CTNNA2: variants seen among roughly 807,000 people sequenced by gnomAD.
CTNNA2 encodes the protein catenin alpha-2.
Under a neutral mutation model 101.0 loss-of-function variants are expected in CTNNA2, and 42 were observed. The ratio of observed to expected loss-of-function variants is 0.42; its 90% CI spans 0.32 to 0.54. The LOEUF is 0.54. Among genes scored for constraint, CTNNA2 ranks in the 20% least tolerant of loss-of-function variants. The pLI is 0.14. For missense variants in CTNNA2, 871 were observed against 1,223.1 expected (o/e 0.71, Z 4.29); for synonymous variants, 450 against 456.4 (o/e 0.99, Z 0.18).
intron 6 of CTNNA2, among the ~76,000 whole-genome samples, chr2:79,904,890 G>T (rs951477335): frequency 1.3e-5 from 2 of 152,232 alleles, no homozygotes; most frequent in Non-Finnish European, 2.9e-5. Flanking sequence ...AATTGTGTGT[G>T]TGGTGAGTGC....
chr2:79,266,675 G>A (rs1340256895), intron 2 of CTNNA2, among the ~76,000 whole-genome samples: 1 of 152,046 alleles, frequency 6.6e-6, no homozygotes, highest in African/African-American at 2.4e-5. Context: ...CCACTGGCAT[G>A]CTGCCACATC....
intron 7 of CTNNA2, among the ~76,000 whole-genome samples, chr2:80,367,861 T>C (rs965315086): frequency 6.6e-6 from 1 of 152,154 alleles, no homozygotes; most frequent in Non-Finnish European, 1.5e-5. Flanking sequence ...ATATCAGAAA[T>C]AGTAAGCATC....
intron 3 of CTNNA2, among the ~76,000 whole-genome samples, chr2:79,801,896 G>A (rs990068430): frequency 7.3e-5 from 11 of 150,964 alleles, no homozygotes; most frequent in African/African-American, 2.4e-4. Flanking sequence ...GGAGGCTGAG[G>A]CAGGAGAATC....
chr2:80,599,964 A>G (rs1558631797), intron 15 of CTNNA2, among the ~76,000 whole-genome samples: 2 of 140,230 alleles, frequency 1.4e-5, no homozygotes, highest in Non-Finnish European at 3.0e-5. Flanking sequence ...ATGAATATTT[A>G]GACAATAGAA....
At chr2:79,945,322 T>G (rs1358740827) in intron 7 of CTNNA2, among the ~76,000 whole-genome samples, 1 of 152,090 alleles carries the variant, frequency 6.6e-6, no homozygotes, top group Non-Finnish European at 1.5e-5. Flanking sequence ...GTAACAGGAG[T>G]GAGCCACTGT....
chr2:80,081,785 T>TTCTCTCTC (rs59390333), intron 7 of CTNNA2, among the ~76,000 whole-genome samples: 2 of 150,466 alleles, frequency 1.3e-5, no homozygotes, highest in Admixed American at 1.3e-4. Context: ...GTGTCTGTGT[T>TTCTCTCTC]TCTCTCTCTC....
chr2:79,210,923 T>TG (rs1293140788), intron 2 of CTNNA2, among the ~76,000 whole-genome samples: 1 of 152,148 alleles, frequency 6.6e-6, no homozygotes, highest in African/African-American at 2.4e-5. Flanking sequence ...CTCTCCCGCC[T>TG]GGGGGAGGAA....
intron 7 of CTNNA2, among the ~76,000 whole-genome samples, chr2:80,225,556 CT>C (rs1257130780): frequency 6.6e-6 from 1 of 152,148 alleles, no homozygotes; most frequent in Non-Finnish European, 1.5e-5. Flanking sequence ...CAGCAATTCC[CT>C]ATTTTTAATT....
At chr2:79,803,950 G>C (rs1676366186) in intron 3 of CTNNA2, among the ~76,000 whole-genome samples, 1 of 152,196 alleles carries the variant, frequency 6.6e-6, no homozygotes, top group South Asian at 2.1e-4. Context: ...GGATACAAAA[G>C]TTTTTTAAAA....
chr2:80,065,194 G>GAA (rs1487191428), intron 7 of CTNNA2, among the ~76,000 whole-genome samples: 76 of 151,864 alleles, frequency 5.0e-4, no homozygotes, highest in Non-Finnish European at 9.3e-4. Context: ...TGAATTACTT[G>GAA]TCAGAAAAAA....
intron 3 of CTNNA2, among the ~76,000 whole-genome samples, chr2:79,344,185 T>C (rs1443354164): frequency 6.6e-6 from 1 of 152,142 alleles, no homozygotes. Flanking sequence ...TCTACACAGC[T>C]CTTTGTGTAG....
At chr2:79,557,961 A>G (rs1030400670) in intron 1 of CTNNA2, among the ~76,000 whole-genome samples, 2 of 151,920 alleles carry the variant, frequency 1.3e-5, no homozygotes, top group Non-Finnish European at 2.9e-5. Flanking sequence ...TTTGTTTTTA[A>G]ATATAATGCA....
chr2:80,004,857 C>A (rs2103981245), intron 7 of CTNNA2, among the ~76,000 whole-genome samples: 1 of 152,168 alleles, frequency 6.6e-6, no homozygotes, highest in African/African-American at 2.4e-5. Flanking sequence ...TGCACACCAC[C>A]ATACCTGGCT....
chr2:79,967,464 C>A (rs568351536), intron 7 of CTNNA2, among the ~76,000 whole-genome samples: 14 of 152,266 alleles, frequency 9.2e-5, no homozygotes, highest in Admixed American at 2.6e-4. Context: ...TAATGTGTCT[C>A]TTTGTTTCCT....
intron 4 of CTNNA2, among the ~76,000 whole-genome samples, chr2:79,475,604 TC>T (rs758592792): frequency 2.6e-5 from 4 of 152,172 alleles, no homozygotes; most frequent in Non-Finnish European, 5.9e-5. Context: ...ATAAAAATTT[TC>T]CCTTGGTATG....
intron 7 of CTNNA2, among the ~76,000 whole-genome samples, chr2:79,932,887 G>A (rs1030097642): frequency 2.6e-5 from 4 of 152,174 alleles, no homozygotes; most frequent in African/African-American, 9.6e-5. Context: ...CCCAGAAAAA[G>A]AACTTTGAAT....
chr2:80,001,805 C>A (rs1390142014), intron 7 of CTNNA2, among the ~76,000 whole-genome samples: 1 of 152,180 alleles, frequency 6.6e-6, no homozygotes, highest in African/African-American at 2.4e-5. Context: ...ATCTGTCCTA[C>A]ATAAGGTGAC....
At chr2:80,603,027 T>A (rs1018147360) in intron 15 of CTNNA2, among the ~76,000 whole-genome samples, 12 of 152,048 alleles carry the variant, frequency 7.9e-5, no homozygotes, top group African/African-American at 2.9e-4. Flanking sequence ...CATTGCCCTC[T>A]CTGTATAACC....
intron 2 of CTNNA2, among the ~76,000 whole-genome samples, chr2:79,250,897 T>C (rs1304925060): frequency 6.6e-6 from 1 of 152,192 alleles, no homozygotes; most frequent in African/African-American, 2.4e-5. Flanking sequence ...TCAGGTCCAA[T>C]GTGTGTAGAC....
Sources: gnomAD v4.1 joint callset for allele counts (sites outside exome capture counted in the v4.1 genomes callset) on GRCh38, gnomAD v4.1.1 for gene constraint, MANE v1.5 for transcripts, NCBI Gene and HGNC (gene_info 2026-07-23, HGNC 2026-07-21) for gene names.